The following PDGFRA variants were observed in gnomAD, a reference collection of about 807,000 sequenced individuals.
PDGFRA encodes platelet derived growth factor receptor alpha.
Under a neutral mutation model 121.5 loss-of-function variants are expected in PDGFRA, and 25 were observed. That is an observed-to-expected ratio of 0.21 (90% CI 0.15 to 0.29). The LOEUF (loss-of-function observed/expected upper bound fraction) is 0.29, where lower values mean the gene tolerates loss of function less well. PDGFRA is among the 10% of genes least tolerant of loss of function. The pLI, the probability that PDGFRA is intolerant of heterozygous loss-of-function variation, is 1.00. For missense variants in PDGFRA, 1,008 were observed against 1,345.1 expected (o/e 0.75, Z 3.92); for synonymous variants, 463 against 494.8 (o/e 0.94, Z 0.85).
intron 1 of PDGFRA, among the ~76,000 whole-genome samples, chr4:54,247,350 A>T (rs1721741242): frequency 6.6e-6 from 1 of 152,210 alleles, no homozygotes; most frequent in Non-Finnish European, 1.5e-5. Context: ...ATCCAGCAGC[A>T]CATCAAAAAG....
chr4:54,239,383 G>C (rs1721176026), intron 1 of PDGFRA, among the ~76,000 whole-genome samples: 1 of 152,176 alleles, frequency 6.6e-6, no homozygotes, highest in Non-Finnish European at 1.5e-5. Flanking sequence ...TAATATATTT[G>C]CTGTCATTTT....
At chr4:54,244,943 C>T (rs374440273) in intron 1 of PDGFRA, among the ~76,000 whole-genome samples, 12 of 151,810 alleles carry the variant, frequency 7.9e-5, no homozygotes, top group Admixed American at 5.3e-4. Context: ...GGAGCTGATG[C>T]GATCAACTGG....
chr4:54,285,802 A>T (rs2110337187), intron 17 of PDGFRA, 39 bp from the exon 18 acceptor site: 1 of 1,611,598 alleles, frequency 6.2e-7, no homozygotes, highest in Non-Finnish European at 8.5e-7. Context: ...TCAGCTACAG[A>T]TGGCTTGATC....
intron 1 of PDGFRA, among the ~76,000 whole-genome samples, chr4:54,254,327 A>G (rs1265609803): frequency 6.6e-6 from 1 of 152,240 alleles, no homozygotes; most frequent in Non-Finnish European, 1.5e-5. Context: ...CGCTGTTATC[A>G]GAGAAGGGAG....
At chr4:54,292,744 G>A (rs369608396) in intron 22 of PDGFRA, among the ~76,000 whole-genome samples, 3 of 151,988 alleles carry the variant, frequency 2.0e-5, no homozygotes, top group South Asian at 2.1e-4. Context: ...GGATGGAGCC[G>A]GAGGTCACTA....
rs144723510 is a variant in PDGFRA at position 54,273,612 on chromosome 4, C to G, written c.1440C>G (p.Asp480Glu). 2 of 1,614,120 alleles carry G rather than the reference C, an allele frequency of 1.2e-6. No individual in the cohort carries two copies. The highest frequency in any genetic ancestry group is 2.7e-5 in the African/African-American group (2 of 75,030). ...TCATCACGGAGATCCACTCCCGAGA[C>G]AGGAGTACCGTGGAGGGCCGTGTGA... ...SNIITEIHSR[D>E]RSTVEGRVTF... The change falls in exon 10 of 23, where the codon GAC becomes GAG. Residue 480 changes from aspartate to glutamate, a missense_variant. By Grantham distance (45) the Asp-to-Glu change is conservative (BLOSUM62 2). Transcript: ENST00000257290.
intron 3 of PDGFRA, 72 bp from the exon 4 acceptor site, chr4:54,263,595 T>C: frequency 7.1e-7 from 1 of 1,409,288 alleles, no homozygotes; most frequent in Non-Finnish European, 1.0e-6. Flanking sequence ...GCCAGTGGGA[T>C]AGTTTTTCTG....
At chr4:54,292,713 T>C (rs1021974366) in intron 22 of PDGFRA, among the ~76,000 whole-genome samples, 3 of 151,980 alleles carry the variant, frequency 2.0e-5, no homozygotes, top group Admixed American at 6.6e-5. Flanking sequence ...AAGAACAAGA[T>C]CATGTCCTTT....
intron 1 of PDGFRA, among the ~76,000 whole-genome samples, chr4:54,244,348 C>T (rs190652757): frequency 2.5e-3 from 379 of 152,256 alleles, no homozygotes; most frequent in African/African-American, 5.2e-3. Flanking sequence ...CTCACACAGC[C>T]GGGTACTCCT....
chr4:54,280,267 C>T, intron 15 of PDGFRA, 49 bp from the exon 16 acceptor site: 1 of 1,432,432 alleles, frequency 7.0e-7, no homozygotes, highest in African/African-American at 1.4e-5. Flanking sequence ...AGTGGAATGA[C>T]CACTTCAGAA....
At chr4:54,254,742 G>T (rs554882283) in intron 1 of PDGFRA, among the ~76,000 whole-genome samples, 12 of 152,322 alleles carry the variant, frequency 7.9e-5, no homozygotes, top group African/African-American at 2.9e-4. Flanking sequence ...ACTGCTAATT[G>T]TGGTAAATCA....
intron 15 of PDGFRA, chr4:54,278,796 C>A: frequency 1.7e-6 from 1 of 574,708 alleles, no homozygotes; most frequent in African/African-American, 1.8e-5. Context: ...TACATGTGAT[C>A]CACTTAGACC....
At chr4:54,293,907 T>TTTGTGTG (rs1724752976) in intron 22 of PDGFRA, among the ~76,000 whole-genome samples, 1 of 142,462 alleles carries the variant, frequency 7.0e-6, no homozygotes. Context: ...TCCAAGTTGC[T>TTTGTGTG]TGTGTGTGTG....
At chr4:54,274,739 G>A (rs2110298207) in intron 11 of PDGFRA, 102 bp from the exon 12 acceptor site, 4 of 1,473,798 alleles carry the variant, frequency 2.7e-6, no homozygotes, top group South Asian at 1.1e-5. Context: ...TGGAGTGAAC[G>A]TTGTTGGACT....
intron 12 of PDGFRA, among the ~76,000 whole-genome samples, chr4:54,275,829 C>T (rs1216305531): frequency 2.0e-5 from 3 of 152,196 alleles, no homozygotes; most frequent in Admixed American, 2.0e-4. Context: ...TTTGCTTTAG[C>T]CTCCAAGTTG....
chr4:54,290,657 T>C, intron 22 of PDGFRA, 103 bp downstream of exon 22: 1 of 1,334,478 alleles, frequency 7.5e-7, no homozygotes, highest in Non-Finnish European at 1.1e-6. Flanking sequence ...GGTTGGTAAA[T>C]ATGTACTCAG....
chr4:54,273,050 A>T (rs1245963436), intron 9 of PDGFRA, among the ~76,000 whole-genome samples: 1 of 152,198 alleles, frequency 6.6e-6, no homozygotes, highest in Non-Finnish European at 1.5e-5. Flanking sequence ...ACAGACTTGG[A>T]TGTTGACTGG....
chr4:54,234,433 G>T (rs908064020), intron 1 of PDGFRA, among the ~76,000 whole-genome samples: 3 of 152,358 alleles, frequency 2.0e-5, no homozygotes, highest in African/African-American at 4.8e-5. Context: ...ACTGCCATCT[G>T]CTGGCCACTC....
In PDGFRA at chr4:54,285,441, C is replaced by A; in HGVS notation, c.2394C>A (p.Phe798Leu). ...EGLTLLDLLS[F>L]TYQVARGMEF... ...TTACTTTATTGGATTTGTTGAGCTT[C>A]ACCTATCAAGTTGCCCGAGGAATGG... The change falls in exon 17 of 23, where the codon TTC (phenylalanine) becomes TTA (leucine). Residue 798 changes from phenylalanine (F) to leucine (L), a missense_variant. By Grantham distance (22) the Phe-to-Leu change is conservative. This residue lies in a region of PDGFRA where 128 missense variants were observed against 147.6 expected (regional missense o/e 0.87). Transcript: ENST00000257290. The A allele has an allele frequency of 6.3e-7, 1 of 1,588,818 alleles. No homozygotes were observed. Among genetic ancestry groups the A allele is most frequent in the Non-Finnish European group, 8.6e-7 (1 of 1,157,020 alleles).
Sources: gnomAD v4.1 joint callset for allele counts (sites outside exome capture counted in the v4.1 genomes callset) on GRCh38, gnomAD v4.1.1 for gene constraint, gnomAD v4.1.1 regional missense constraint, MANE v1.5 for transcripts, NCBI Gene and HGNC (gene_info 2026-07-23, HGNC 2026-07-21) for gene names.